The following FAM135B variants were observed in gnomAD, a reference collection of about 807,000 sequenced individuals.
FAM135B encodes the protein protein FAM135B.
FAM135B carries 43 observed loss-of-function variants against 127.7 expected under a neutral mutation model. The observed-to-expected ratio is 0.34, with a 90% CI of 0.26 to 0.43. The LOEUF (loss-of-function observed/expected upper bound fraction) is 0.43. FAM135B is among the 20% of genes least tolerant of loss of function. The pLI is 1.00. For missense variants in FAM135B, 1,558 were observed against 1,725.6 expected (o/e 0.90, Z 1.72); for synonymous variants, 670 against 665.1 (o/e 1.01, Z -0.11).
rs985113751 is a variant in FAM135B, at chr8:138,242,644, GC to G, written c.669+297del. On this transcript the variant is annotated intron_variant, in intron 7 of 19. Transcript: ENST00000395297. The surrounding 1 kb of genome is among the most constrained non-coding windows in gnomAD (Gnocchi z 9.6). ...TCAACGTTATCACATAGTCTGAGTG[GC>G]CCCCTCACAGCACAGCCTCCTGACC... 5.9e-5 allele frequency among the ~76,000 whole-genome samples: 9 copies of G among 152,084 alleles called. No homozygotes were observed. The highest frequency in any genetic ancestry group is 1.0e-4 in the Non-Finnish European group (7 of 68,024).
chr8:138,334,597 C>T (rs7817450), intron 2 of FAM135B, among the ~76,000 whole-genome samples: 135,567 of 152,068 alleles, frequency 0.89, 61,733 homozygotes, highest in Non-Finnish European at 0.98. Context: ...TACGTGTCCA[C>T]ATATTCTCAT....
Position 138,242,272 on chromosome 8 carries a change from G to A in FAM135B, c.669+670C>T, listed in dbSNP as rs2130369225. On this transcript the variant is annotated intron_variant, in intron 7 of 19. Transcript: ENST00000395297. The surrounding 1 kb of genome is among the most constrained non-coding windows in gnomAD (Gnocchi z 9.6). ...TGGAGAACCCTGAATAATACAGGCT[G>A]TTTATTTATGAGTAGGCCACTAATA... is the stretch of plus-strand genomic sequence containing the variant. 6.6e-6 allele frequency among the ~76,000 whole-genome samples: 1 copy of A among 150,924 alleles called. No homozygotes were observed. Among genetic ancestry groups the A allele is most frequent in the Middle Eastern group, 3.4e-3 (1 of 292 alleles).
intron 1 of FAM135B, among the ~76,000 whole-genome samples, chr8:138,402,491 T>A (rs138837206): frequency 1.6e-4 from 25 of 152,272 alleles, no homozygotes; most frequent in African/African-American, 5.8e-4. Context: ...CACCCTCAAA[T>A]AACCATTATA....
intron 1 of FAM135B, among the ~76,000 whole-genome samples, chr8:138,432,588 G>T (rs955031163): frequency 5.9e-5 from 9 of 151,870 alleles, no homozygotes; most frequent in African/African-American, 1.9e-4. Flanking sequence ...CCCTAAGCAG[G>T]TTATCCACAT....
rs1422325549 is a variant in FAM135B, at chr8:138,153,027, C to T, written c.1448G>A (p.Gly483Asp). The T allele has an allele frequency of 6.2e-6, 10 of 1,614,184 alleles. No individual in the cohort carries two copies. The highest frequency in any genetic ancestry group is 8.5e-6 in the Non-Finnish European group (10 of 1,180,034). ...DEEVIRCPEP[G>D]ENVATQNHMD... ...ATGATTTTGTGTGGCCACATTCTCACCTGGCTCTGGACACCTTATAACTTC... is the reference window on the plus strand; with the variant it reads ...ATGATTTTGTGTGGCCACATTCTCATCTGGCTCTGGACACCTTATAACTTC... The change falls in exon 13 of 20, where the codon GGT becomes GAT. Residue 483 changes from glycine to aspartate, a missense_variant. Physicochemically the swap from Gly to Asp is moderately conservative, Grantham distance 94 (BLOSUM62 -1). Transcript: ENST00000395297.
chr8:138,291,388 T>G (rs1489457816), intron 3 of FAM135B, among the ~76,000 whole-genome samples: 1 of 152,190 alleles, frequency 6.6e-6, no homozygotes, highest in Non-Finnish European at 1.5e-5. Flanking sequence ...ATTTCGATCC[T>G]TCTCAAACTC....
chr8:138,210,081 A>G (rs192812016), intron 7 of FAM135B, among the ~76,000 whole-genome samples: 1 of 152,364 alleles, frequency 6.6e-6, no homozygotes, highest in East Asian at 1.9e-4. Context: ...CATCTCTGAG[A>G]GGCTAGTCCA....
chr8:138,250,687 C>G (rs758666924), intron 6 of FAM135B, among the ~76,000 whole-genome samples, 154 bp downstream of exon 6: 4 of 152,104 alleles, frequency 2.6e-5, no homozygotes, highest in Non-Finnish European at 5.9e-5. Context: ...CTTCCTCTCT[C>G]GCATGCTCCT....
chr8:138,477,650 CA>C (rs2131675287), intron 1 of FAM135B, among the ~76,000 whole-genome samples: 1 of 152,282 alleles, frequency 6.6e-6, no homozygotes, highest in African/African-American at 2.4e-5. Context: ...TCTCACTAAA[CA>C]GAATGGTGAT....
In FAM135B at chr8:138,390,384, TTC is replaced by T. The variant is rs371039940; in HGVS notation, c.-19-22384_-19-22383del. 4.9e-4 allele frequency among the ~76,000 whole-genome samples: 75 copies of T among 152,284 alleles called. No homozygotes were observed. In the East Asian group the frequency reaches 0.012, roughly 24 times the overall value. ...GAAACCCCTTTTTGCTTGGTTCTCA[TTC>T]TCTCTTGTCTGCCGTCATGTAAGAT... On this transcript the variant is annotated intron_variant, in intron 1 of 19. Coordinates refer to ENST00000395297, the MANE Select transcript of FAM135B (RefSeq NM_015912.4).
intron 1 of FAM135B, among the ~76,000 whole-genome samples, chr8:138,436,579 T>A (rs1835469240): frequency 6.6e-6 from 1 of 152,174 alleles, no homozygotes; most frequent in South Asian, 2.1e-4. Flanking sequence ...AATCAAAGAC[T>A]CTAAGGCATC....
intron 1 of FAM135B, chr8:138,440,051 C>T (rs1214598192): frequency 2.6e-5 from 4 of 152,186 alleles, no homozygotes; most frequent in Non-Finnish European, 5.9e-5. Flanking sequence ...AGGCTAAGAA[C>T]TAAGAGCTAT....
chr8:138,152,881 C>T lies in FAM135B; in HGVS notation c.1594G>A (p.Ala532Thr), dbSNP rs757961854. ...QTSDAGTYPV[A>T]DVDTSRRSPG... Reference sequence around the variant, plus strand: ...CTCCTTCTAGAAGTATCCACATCTGCCACTGGATATGTCCCAGCATCAGAT... The same window carrying T: ...CTCCTTCTAGAAGTATCCACATCTGTCACTGGATATGTCCCAGCATCAGAT... The change falls in exon 13 of 20, where the codon GCA becomes ACA. Residue 532 changes from alanine (A) to threonine (T), a missense_variant. Ala to Thr is a moderately conservative substitution (Grantham distance 58). This residue lies in a region of FAM135B where 923 missense variants were observed against 865.3 expected (regional missense o/e 1.07). Transcript: ENST00000395297. 6.2e-7 allele frequency: 1 copy of T among 1,614,204 alleles called. No individual in the cohort carries two copies. The highest frequency in any genetic ancestry group is 1.1e-5 in the South Asian group (1 of 91,086).
intron 3 of FAM135B, among the ~76,000 whole-genome samples, chr8:138,285,135 T>TTTA (rs1491465877): frequency 1.8e-3 from 2 of 1,104 alleles, no homozygotes; most frequent in African/African-American, 3.3e-3. Context: ...GCTCTACTAA[T>TTTA]TTTTTTTTTT....
chr8:138,150,365 C>G, intron 13 of FAM135B, among the ~76,000 whole-genome samples: 1 of 152,098 alleles, frequency 6.6e-6, no homozygotes, highest in Non-Finnish European at 1.5e-5. Context: ...TTATAATATT[C>G]GTAATAAAAA....
intron 12 of FAM135B, among the ~76,000 whole-genome samples, chr8:138,167,508 C>T (rs1004270459): frequency 6.6e-6 from 1 of 152,130 alleles, no homozygotes; most frequent in African/African-American, 2.4e-5. Context: ...TGGCCCAATG[C>T]CTTTAAAGTT....
At chr8:138,237,077 G>A (rs1820338611) in intron 7 of FAM135B, among the ~76,000 whole-genome samples, 1 of 151,868 alleles carries the variant, frequency 6.6e-6, no homozygotes, top group African/African-American at 2.4e-5. Flanking sequence ...TTATGTCAGT[G>A]AGAAGAAAAG....
intron 1 of FAM135B, among the ~76,000 whole-genome samples, chr8:138,429,345 T>TCCCTTGAATTGG (rs916676638): frequency 1.3e-5 from 2 of 152,192 alleles, no homozygotes; most frequent in African/African-American, 4.8e-5. Flanking sequence ...TTAATAGCTC[T>TCCCTTGAATTGG]CCCTTGAATT....
At chr8:138,138,767 C>T (rs1816873861) in intron 18 of FAM135B, among the ~76,000 whole-genome samples, 1 of 152,248 alleles carries the variant, frequency 6.6e-6, no homozygotes, top group Admixed American at 6.5e-5. Context: ...TTACACACAC[C>T]TTGGCTCAAT....
Sources: gnomAD v4.1 joint callset for allele counts (sites outside exome capture counted in the v4.1 genomes callset) on GRCh38, gnomAD v4.1.1 for gene constraint, gnomAD v4.1.1 regional missense constraint, Gnocchi (gnomAD v3.1) non-coding constraint, MANE v1.5 for transcripts, NCBI Gene and HGNC (gene_info 2026-07-23, HGNC 2026-07-21) for gene names.